ZDHHC20: variants seen among roughly 807,000 people sequenced by gnomAD.
ZDHHC20 encodes zDHHC palmitoyltransferase 20, also known as palmitoyltransferase ZDHHC20.
In ZDHHC20, 43 loss-of-function variants were observed where a neutral mutation model predicts 57.8. The ratio of observed to expected loss-of-function variants is 0.74; its 90% CI spans 0.58 to 0.96. The LOEUF is 0.96. ZDHHC20 is among the 40% of genes least tolerant of loss of function. ZDHHC20 has a pLI of 0.00. For synonymous variants in ZDHHC20, 157 were observed against 153.0 expected, an observed-to-expected ratio of 1.03 and a Z score of -0.19; for missense variants, 391 against 441.1, an observed-to-expected ratio of 0.89 and a Z score of 1.02.
chr13:21,409,355 G>A (rs9509686), intron 4 of ZDHHC20, among the ~76,000 whole-genome samples: 26,406 of 152,112 alleles, frequency 0.17, 2,808 homozygotes, highest in Non-Finnish European at 0.25. Flanking sequence ...ATGTGTCCAG[G>A]AATTTATCCA....
chr13:21,380,112 G>A (rs913696201), intron 11 of ZDHHC20, among the ~76,000 whole-genome samples: 20 of 149,754 alleles, frequency 1.3e-4, no homozygotes, highest in African/African-American at 4.9e-4. Flanking sequence ...ACCGTGCCCA[G>A]CCTTTTTTTC....
intron 3 of ZDHHC20, among the ~76,000 whole-genome samples, chr13:21,414,580 C>A (rs897379236): frequency 7.4e-6 from 1 of 135,932 alleles, no homozygotes; most frequent in Admixed American, 8.5e-5. Context: ...ACCGTGTTAG[C>A]CAGGATGGTC....
chr13:21,442,848 T>C (rs1046437824), intron 1 of ZDHHC20, among the ~76,000 whole-genome samples: 6 of 152,210 alleles, frequency 3.9e-5, no homozygotes, highest in Non-Finnish European at 8.8e-5. Flanking sequence ...AGTTCTCTTC[T>C]TTGTTGCCTT....
chr13:21,396,045 C>T lies in ZDHHC20; in HGVS notation c.595-4191G>A, dbSNP rs1384679460. Among the ~76,000 whole-genome samples, 6 of 152,150 alleles carry T rather than the reference C, an allele frequency of 3.9e-5. No individual in the cohort carries two copies. In the South Asian group the frequency reaches 6.2e-4, roughly 16 times the overall value. On this transcript the variant is annotated intron_variant, in intron 7 of 12. Transcript: ENST00000400590. ...CATCATCCCAGGACCAGGTACAAGA[C>T]AACTAGAGATAGCCCCGATACCTGA... is the stretch of plus-strand genomic sequence containing the variant.
rs540327857 is a variant in ZDHHC20 at position 21,427,298 on chromosome 13, C to A, written c.119-1620G>T. ...CATTTTACAGATAAGTAAACTAAGG[C>A]TCAAAATAATTAAATGACCTTCCTA... is the stretch of plus-strand genomic sequence containing the variant. On this transcript the variant is annotated intron_variant, in intron 1 of 12. Transcript: ENST00000400590. Among the ~76,000 whole-genome samples, 6 of 152,252 alleles carry A rather than the reference C, an allele frequency of 3.9e-5. No individual in the cohort carries two copies. The South Asian group carries it at 1.2e-3, about 32-fold the overall frequency.
intron 3 of ZDHHC20, among the ~76,000 whole-genome samples, chr13:21,416,951 T>C (rs1395357281): frequency 1.3e-5 from 2 of 152,238 alleles, no homozygotes; most frequent in East Asian, 1.9e-4. Context: ...TGTAGGATTA[T>C]AGTCAGGGAA....
At chr13:21,420,592 TTCCAAATGGAACC>T (rs1880536647) in intron 3 of ZDHHC20, among the ~76,000 whole-genome samples, 1 of 152,230 alleles carries the variant, frequency 6.6e-6, no homozygotes, top group African/African-American at 2.4e-5. Context: ...CTATATTATT[TTCCAAATGGAACC>T]TCCAATTAGA....
chr13:21,403,730 C>G (rs13378307), intron 4 of ZDHHC20, among the ~76,000 whole-genome samples: 24,203 of 152,104 alleles, frequency 0.16, 2,624 homozygotes, highest in Non-Finnish European at 0.25. Context: ...CTCCGTCGCC[C>G]AGGCTGGAGT....
At chr13:21,392,212 T>TTAAA (rs1223175536) in intron 7 of ZDHHC20, among the ~76,000 whole-genome samples, 5 of 95,826 alleles carry the variant, frequency 5.2e-5, no homozygotes, top group African/African-American at 1.0e-4. Flanking sequence ...CCCTGTCTCA[T>TTAAA]AAAAAAAAAA....
At chr13:21,414,651 G>T (rs954494304) in intron 3 of ZDHHC20, among the ~76,000 whole-genome samples, 18 of 151,550 alleles carry the variant, frequency 1.2e-4, no homozygotes, top group Non-Finnish European at 2.2e-4. Flanking sequence ...GATTACAGGC[G>T]TGAGCCACCG....
At chr13:21,395,199 T>C (rs1876558325) in intron 7 of ZDHHC20, among the ~76,000 whole-genome samples, 1 of 151,708 alleles carries the variant, frequency 6.6e-6, no homozygotes, top group African/African-American at 2.4e-5. Flanking sequence ...CCAGAGTAGC[T>C]GGGACTACAG....
intron 9 of ZDHHC20, 24 bp downstream of exon 9, chr13:21,387,484 T>C (rs1482206813): frequency 1.4e-6 from 2 of 1,477,004 alleles, no homozygotes. Flanking sequence ...CCATAATCTC[T>C]GAGACCCACA....
intron 7 of ZDHHC20, among the ~76,000 whole-genome samples, chr13:21,395,249 G>C (rs748963686): frequency 7.9e-5 from 12 of 151,638 alleles, no homozygotes; most frequent in Admixed American, 6.6e-5. Flanking sequence ...TGTATTTTTA[G>C]TAGATACGGG....
intron 3 of ZDHHC20, among the ~76,000 whole-genome samples, chr13:21,416,998 C>T (rs765017238): frequency 2.6e-5 from 4 of 152,154 alleles, no homozygotes; most frequent in South Asian, 2.1e-4. Flanking sequence ...CACATGCTGC[C>T]GCCTCTTCCT....
chr13:21,452,514 A>C (rs1309135960), intron 1 of ZDHHC20, among the ~76,000 whole-genome samples: 1 of 152,232 alleles, frequency 6.6e-6, no homozygotes, highest in Non-Finnish European at 1.5e-5. Context: ...GATTTACAAA[A>C]AGGAATGAAG....
intron 12 of ZDHHC20, chr13:21,377,668 T>C (rs1872460190): frequency 4.6e-6 from 1 of 216,138 alleles, no homozygotes; most frequent in South Asian, 5.7e-5. Context: ...CGACGTGACC[T>C]CCACCCCTAG....
At chr13:21,431,593 C>A (rs148723348) in intron 1 of ZDHHC20, among the ~76,000 whole-genome samples, 1 of 152,360 alleles carries the variant, frequency 6.6e-6, no homozygotes, top group Non-Finnish European at 1.5e-5. Context: ...GTGTTTGGCA[C>A]TTCCACTTAC....
chr13:21,399,641 T>C (rs989914823), intron 7 of ZDHHC20, among the ~76,000 whole-genome samples: 2 of 152,140 alleles, frequency 1.3e-5, no homozygotes, highest in Non-Finnish European at 2.9e-5. Context: ...AGAAAGCATG[T>C]CTCCCTTCTA....
At chr13:21,458,816 G>A (rs1885139962) in intron 1 of ZDHHC20, among the ~76,000 whole-genome samples, 1 of 152,210 alleles carries the variant, frequency 6.6e-6, no homozygotes, top group South Asian at 2.1e-4. Flanking sequence ...CCCTGGGCCA[G>A]ACCTGCACCC....
Sources: allele counts gnomAD v4.1 joint callset (sites outside exome capture counted in the v4.1 genomes callset), GRCh38; gene constraint gnomAD v4.1.1; transcripts MANE v1.5; gene names NCBI Gene and HGNC (gene_info 2026-07-23, HGNC 2026-07-21).